The following EIF3L variants were observed in gnomAD, a reference collection of about 807,000 sequenced individuals.
EIF3L encodes the protein eukaryotic translation initiation factor 3 subunit L.
EIF3L carries 32 observed loss-of-function variants against 74.6 expected under a neutral mutation model. The ratio of observed to expected loss-of-function variants is 0.43; its 90% CI spans 0.32 to 0.58. The LOEUF (loss-of-function observed/expected upper bound fraction) is 0.58. EIF3L is among the 20% of genes least tolerant of loss of function. The probability of loss-of-function intolerance (pLI) is 0.06; values close to 1 mark genes in which losing one functional copy is unlikely to be tolerated. For synonymous variants in EIF3L, 256 were observed against 254.4 expected, an observed-to-expected ratio of 1.01 and a Z score of -0.06; for missense variants, 474 against 707.8, an observed-to-expected ratio of 0.67 and a Z score of 3.75.
chr22:37,875,367 G>A (rs1304291382), intron 9 of EIF3L, among the ~76,000 whole-genome samples: 6 of 151,288 alleles, frequency 4.0e-5, no homozygotes, highest in Non-Finnish European at 7.4e-5. Flanking sequence ...AACAGAACAA[G>A]ACTCTGTCCC....
intron 7 of EIF3L, among the ~76,000 whole-genome samples, chr22:37,867,126 C>T (rs1926193231): frequency 1.3e-5 from 2 of 152,164 alleles, no homozygotes; most frequent in South Asian, 4.2e-4. Context: ...CAGCCTTGAC[C>T]TCCTGGGCTC....
intron 8 of EIF3L, among the ~76,000 whole-genome samples, chr22:37,872,775 T>C (rs1926541939): frequency 6.6e-6 from 1 of 151,100 alleles, no homozygotes; most frequent in African/African-American, 2.4e-5. Context: ...TGCACCACCA[T>C]ACCTGGCTGA....
chr22:37,878,336 A>T, intron 11 of EIF3L, 165 bp downstream of exon 11: 3 of 733,026 alleles, frequency 4.1e-6, no homozygotes, highest in Non-Finnish European at 4.0e-6. Context: ...CTAGTACTTT[A>T]GGGGAGGCTG....
At chr22:37,887,881 C>T (rs1005272298) in intron 12 of EIF3L, 1 of 152,588 alleles carries the variant, frequency 6.6e-6, no homozygotes, top group African/African-American at 2.4e-5. Context: ...CTTGTCTTGC[C>T]CTAGGAGAGG....
At chr22:37,868,324 C>T (rs1926275933) in intron 7 of EIF3L, among the ~76,000 whole-genome samples, 1 of 151,064 alleles carries the variant, frequency 6.6e-6, no homozygotes, top group Admixed American at 6.6e-5. Context: ...GGGGTTTCAC[C>T]ATGTTGGCCA....
At chr22:37,849,717 T>C (rs1458973650) in intron 1 of EIF3L, 2 of 606,486 alleles carry the variant, frequency 3.3e-6, no homozygotes, top group East Asian at 5.6e-5. Flanking sequence ...GACTAAGGCC[T>C]GTTAGACGTT....
chr22:37,858,654 A>G, intron 4 of EIF3L, 25 bp from the exon 5 acceptor site: 1 of 1,606,518 alleles, frequency 6.2e-7, no homozygotes. Context: ...TGGTTAGTGA[A>G]GCACCCTTCT....
intron 9 of EIF3L, among the ~76,000 whole-genome samples, chr22:37,875,470 A>T (rs942457409): frequency 2.0e-5 from 3 of 152,190 alleles, no homozygotes; most frequent in African/African-American, 7.2e-5. Flanking sequence ...AACCACAGAA[A>T]AATATTACAG....
chr22:37,856,745 G>A (rs1000266017), intron 4 of EIF3L, among the ~76,000 whole-genome samples: 4 of 151,600 alleles, frequency 2.6e-5, no homozygotes, highest in African/African-American at 9.7e-5. Flanking sequence ...TTGGGAGGTG[G>A]AGGCAGGAGA....
rs539261748 is a variant in EIF3L at position 37,873,391 on chromosome 22, C to T, written c.752-979C>T. ...TGGGCTCACTGCAAGCTCCGCCTCCCGGGTTCATGCCATTCTCCTGCCTCA... is the reference window on the plus strand; with the variant it reads ...TGGGCTCACTGCAAGCTCCGCCTCCTGGGTTCATGCCATTCTCCTGCCTCA... On this transcript the variant is annotated intron_variant, in intron 8 of 12. Coordinates refer to ENST00000652021, the MANE Select transcript of EIF3L (RefSeq NM_016091.4). 7.3e-5 allele frequency among the ~76,000 whole-genome samples: 11 copies of T among 151,568 alleles called. No homozygotes were observed. In the South Asian group the frequency reaches 8.4e-4, roughly 12 times the overall value.
chr22:37,864,208 C>G (rs1348015028), intron 7 of EIF3L, among the ~76,000 whole-genome samples: 1 of 152,192 alleles, frequency 6.6e-6, no homozygotes, highest in Non-Finnish European at 1.5e-5. Flanking sequence ...AAGGCCCACA[C>G]CAACTTACGT....
intron 4 of EIF3L, among the ~76,000 whole-genome samples, chr22:37,857,158 G>C (rs1481372355): frequency 2.0e-5 from 3 of 151,852 alleles, no homozygotes; most frequent in Non-Finnish European, 4.4e-5. Context: ...TCAGGAGATC[G>C]AGACCATCCT....
At chr22:37,849,983 G>A (rs376184158) in intron 1 of EIF3L, 32 bp from the exon 2 acceptor site, 10 of 1,613,274 alleles carry the variant, frequency 6.2e-6, no homozygotes, top group Admixed American at 1.7e-5. Context: ...ACGACTTGGC[G>A]GCTGTCCTTG....
chr22:37,849,933 C>A, intron 1 of EIF3L, 82 bp from the exon 2 acceptor site: 1 of 1,490,754 alleles, frequency 6.7e-7, no homozygotes, highest in Non-Finnish European at 9.4e-7. Flanking sequence ...CCTTAGCTCT[C>A]TGCTTGGCAT....
chr22:37,849,956 A>T (rs1270649786), intron 1 of EIF3L, 59 bp from the exon 2 acceptor site: 5 of 1,591,992 alleles, frequency 3.1e-6, no homozygotes, highest in Non-Finnish European at 4.3e-6. Context: ...AGACTCTAGG[A>T]TGAGCGTTTT....
intron 7 of EIF3L, among the ~76,000 whole-genome samples, chr22:37,868,659 T>TTTTTTTTTGG (rs1926307359): frequency 8.7e-6 from 1 of 114,396 alleles, no homozygotes; most frequent in Non-Finnish European, 1.7e-5. Context: ...TTTTTTTTTT[T>TTTTTTTTTGG]GAGACGGAGT....
intron 3 of EIF3L, among the ~76,000 whole-genome samples, chr22:37,853,253 C>T (rs989951275): frequency 6.6e-6 from 1 of 152,114 alleles, no homozygotes; most frequent in African/African-American, 2.4e-5. Context: ...TTCTTGACTC[C>T]TAACAAGAAA....
At chr22:37,857,389 A>AC (rs1925584005) in intron 4 of EIF3L, among the ~76,000 whole-genome samples, 1 of 151,268 alleles carries the variant, frequency 6.6e-6, no homozygotes, top group African/African-American at 2.4e-5. Flanking sequence ...AAAAAAAAAA[A>AC]AAACCAATAT....
chr22:37,865,242 G>T (rs1926086534), intron 7 of EIF3L, among the ~76,000 whole-genome samples: 1 of 151,630 alleles, frequency 6.6e-6, no homozygotes, highest in African/African-American at 2.4e-5. Flanking sequence ...TAGGTGGGCA[G>T]ATCACGAGGT....
Sources: allele counts gnomAD v4.1 joint callset (sites outside exome capture counted in the v4.1 genomes callset), GRCh38; gene constraint gnomAD v4.1.1; transcripts MANE v1.5; gene names NCBI Gene and HGNC (gene_info 2026-07-23, HGNC 2026-07-21).